SQSTM1: variants seen among roughly 807,000 people sequenced by gnomAD.
SQSTM1 encodes the protein sequestosome-1.
In SQSTM1, 36 loss-of-function variants were observed where a neutral mutation model predicts 45.1. The ratio of observed to expected loss-of-function variants is 0.80; its 90% CI spans 0.61 to 1.05. The LOEUF is 1.05. SQSTM1 is among the 50% of genes least tolerant of loss of function. The probability of loss-of-function intolerance (pLI) is 0.00; values close to 1 mark genes in which losing one functional copy is unlikely to be tolerated. For missense variants in SQSTM1, 617 were observed against 607.1 expected, an observed-to-expected ratio of 1.02 and a Z score of -0.17; for synonymous variants, 290 against 244.3, an observed-to-expected ratio of 1.19 and a Z score of -1.74.
chr5:179,829,194 G>C (rs1416678998), intron 5 of SQSTM1, among the ~76,000 whole-genome samples: 3 of 152,226 alleles, frequency 2.0e-5, no homozygotes, highest in Admixed American at 2.0e-4. Context: ...ACAGGCCAGG[G>C]TGAGGCACCA....
chr5:179,837,860 A>G lies in SQSTM1; in HGVS notation c.*1267A>G, dbSNP rs752475897. 1.2e-6 allele frequency: 2 copies of G among 1,606,918 alleles called. No individual in the cohort carries two copies. Among genetic ancestry groups the G allele is most frequent in the Admixed American group, 1.7e-5 (1 of 59,962 alleles). The stretch of plus-strand genomic sequence containing the variant: ...GAGGCAGGGGCTGCTGCCTTGTTTC[A>G]CCTTCCATGTCAGGCCAGCCTGTCC... On this transcript the variant is annotated 3_prime_UTR_variant, in exon 8 of 8. Transcript: ENST00000389805.
chr5:179,831,877 A>G (rs923414481), intron 5 of SQSTM1, among the ~76,000 whole-genome samples: 7 of 150,776 alleles, frequency 4.6e-5, no homozygotes, highest in East Asian at 2.0e-4. Flanking sequence ...TCCGCCTCCC[A>G]GGTTCAAGCG....
upstream of SQSTM1, among the ~76,000 whole-genome samples, chr5:179,818,631 C>CCCACTCTT (rs1325827758): frequency 6.6e-6 from 1 of 152,212 alleles, no homozygotes; most frequent in East Asian, 1.9e-4. Context: ...TCCTGCCCTC[C>CCCACTCTT]CCACTCTTCC....
chr5:179,837,072 G>A lies in SQSTM1; in HGVS notation c.*479G>A. Reference sequence around the variant, plus strand: ...GCCAGTGTTGTGGGCTTCCTGCTGGGACTGAGAAGGCTCACGAAGGGCATC... The same window carrying A: ...GCCAGTGTTGTGGGCTTCCTGCTGGAACTGAGAAGGCTCACGAAGGGCATC... On this transcript the variant is annotated 3_prime_UTR_variant, in exon 8 of 8. Transcript: ENST00000389805. 1.3e-6 allele frequency: 1 copy of A among 758,978 alleles called. No individual in the cohort carries two copies. Among genetic ancestry groups the A allele is most frequent in the Non-Finnish European group, 2.2e-6 (1 of 446,400 alleles). The allele number at this position is 758,978 out of a possible 1,614,324, so 47.0% of individuals were successfully genotyped here. A position where few individuals can be genotyped will look rare whatever the true frequency, so the allele number is the denominator to read the frequency against.
In SQSTM1 at chr5:179,836,800, C is replaced by T; in HGVS notation, c.*207C>T. ...GTGTGTGCTGATGTTTCCTGGGTGCCCTGGCTCCTTGCAGCAGGGCTGGGC... is the reference window on the plus strand; with the variant it reads ...GTGTGTGCTGATGTTTCCTGGGTGCTCTGGCTCCTTGCAGCAGGGCTGGGC... On this transcript the variant is annotated 3_prime_UTR_variant, in exon 8 of 8. Coordinates refer to ENST00000389805, the MANE Select transcript of SQSTM1 (RefSeq NM_003900.5). 1.3e-6 allele frequency: 1 copy of T among 791,556 alleles called. No individual in the cohort carries two copies. The highest frequency in any genetic ancestry group is 2.1e-6 in the Non-Finnish European group (1 of 481,716). The allele number at this position is 791,556 out of a possible 1,614,324, so 49.0% of individuals were successfully genotyped here.
chr5:179,820,573 A>T, upstream of SQSTM1: 1 of 213,010 alleles, frequency 4.7e-6, no homozygotes. Context: ...GGCCAGGCCC[A>T]AGCCTGGGAG....
intron 5 of SQSTM1, among the ~76,000 whole-genome samples, chr5:179,829,921 C>T (rs570213480): frequency 4.6e-5 from 7 of 152,292 alleles, no homozygotes; most frequent in Admixed American, 6.5e-5. Flanking sequence ...CATAGGGAGA[C>T]ACCATCCCCC....
At position 179,833,039 on chromosome 5, in the gene SQSTM1, A is replaced by G; in HGVS notation, c.762A>G (p.Glu254=). Residue 254 remains glutamate, a synonymous_variant, in exon 6 of 8, where the codon GAA becomes GAG. Coordinates refer to ENST00000389805, the MANE Select transcript of SQSTM1 (RefSeq NM_003900.5). ...VAAALSPLGI[E]VDIDVEHGGK... ...TTCCTCCTCCGCCTCTAGGCATTGAAGTTGATATCGATGTGGAGCACGGAG... is the reference window on the plus strand; with the variant it reads ...TTCCTCCTCCGCCTCTAGGCATTGAGGTTGATATCGATGTGGAGCACGGAG... 1 of 1,614,108 alleles carries G rather than the reference A, an allele frequency of 6.2e-7. No individual in the cohort carries two copies. The highest frequency in any genetic ancestry group is 1.3e-5 in the African/African-American group (1 of 75,016).
In SQSTM1 at chr5:179,833,183, C is replaced by T. The variant is rs11548642; in HGVS notation, c.906C>T (p.Gly302=). 2.9e-3 allele frequency: 4,709 copies of T among 1,613,650 alleles called. 107 individuals carry two copies. In the African/African-American group the frequency reaches 0.052, roughly 18 times the overall value. Reference sequence around the variant, plus strand: ...GCAAGCCGGGTGGGAATGTTGAGGGCGCCACGCAGTCTCTGGCGGAGCAGA... The same window carrying T: ...GCAAGCCGGGTGGGAATGTTGAGGGTGCCACGCAGTCTCTGGCGGAGCAGA... ...DPSKPGGNVE[G]ATQSLAEQMR... is the part of the protein sequence containing the mutation. The change falls in exon 6 of 8, where the codon GGC becomes GGT. Residue 302 remains glycine (G), a synonymous_variant. Transcript: ENST00000389805.
At chr5:179,832,815 G>C (rs779058975) in intron 5 of SQSTM1, among the ~76,000 whole-genome samples, 4 of 152,070 alleles carry the variant, frequency 2.6e-5, no homozygotes, top group Non-Finnish European at 5.9e-5. Context: ...GGTTTGTATC[G>C]TCTGGTCCCA....
intron 1 of SQSTM1, 43 bp downstream of exon 1, chr5:179,821,184 A>T: frequency 7.6e-7 from 1 of 1,317,820 alleles, no homozygotes; most frequent in Non-Finnish European, 9.7e-7. Context: ...CGCAGGCCGG[A>T]CACGGCCTCC....
rs886060504 is a variant in SQSTM1 at position 179,836,836 on chromosome 5, C to G, written c.*243C>G. 28 of 663,758 alleles carry G rather than the reference C, an allele frequency of 4.2e-5. No individual in the cohort carries two copies. The highest frequency in any genetic ancestry group is 7.1e-5 in the Non-Finnish European group (27 of 379,674). 41.1% of individuals were successfully genotyped at this position (663,758 alleles called of 1,614,324 possible). A position where few individuals can be genotyped will look rare whatever the true frequency, so the allele number is the denominator to read the frequency against. ...GCAGCAGGGCTGGGCCTGCGAGACC[C>G]AAGGCTCACTGCAGCGCGCTCCTGA... On this transcript the variant is annotated 3_prime_UTR_variant, in exon 8 of 8. Coordinates refer to ENST00000389805, the MANE Select transcript of SQSTM1 (RefSeq NM_003900.5).
At position 179,833,204 on chromosome 5, in the gene SQSTM1, G is replaced by A. The variant is rs766129922; in HGVS notation, c.927G>A (p.Glu309=). Residue 309 remains glutamate, a synonymous_variant, in exon 6 of 8, where the codon GAG becomes GAA. Coordinates refer to ENST00000389805, the MANE Select transcript of SQSTM1 (RefSeq NM_003900.5). ...NVEGATQSLA[E]QMRKIALESE... ...AGGGCGCCACGCAGTCTCTGGCGGA[G>A]CAGATGAGGAAGATCGCCTTGGAGT... 4 of 1,611,980 alleles carry A rather than the reference G, an allele frequency of 2.5e-6. No homozygotes were observed. In the Admixed American group the frequency reaches 6.7e-5, roughly 27 times the overall value.
intron 2 of SQSTM1, 60 bp from the exon 3 acceptor site, chr5:179,823,798 G>A (rs1227454293): frequency 1.0e-5 from 16 of 1,560,706 alleles, no homozygotes; most frequent in Middle Eastern, 2.3e-4. Flanking sequence ...CCACAGTGAC[G>A]ACAGAGGGGG....
chr5:179,823,883 C>T lies in SQSTM1; in HGVS notation c.327C>T (p.His109=), dbSNP rs2113487546. The T allele has an allele frequency of 6.2e-7, 1 of 1,612,870 alleles. No homozygotes were observed. Among genetic ancestry groups the T allele is most frequent in the Middle Eastern group, 1.7e-4 (1 of 5,956 alleles). The change falls in exon 3 of 8, where the codon CAC becomes CAT. Residue 109 remains histidine (H), a synonymous_variant. Transcript: ENST00000389805. ...IKEKKECRRD[H]RPPCAQEAPR... Reference sequence around the variant, plus strand: ...AGAAAAAAGAGTGCCGGCGGGACCACCGCCCACCGTGTGCTCAGGAGGCGC... The same window carrying T: ...AGAAAAAAGAGTGCCGGCGGGACCATCGCCCACCGTGTGCTCAGGAGGCGC...
chr5:179,824,475 T>TG (rs1367945409), intron 4 of SQSTM1, 152 bp downstream of exon 4: 1 of 1,182,534 alleles, frequency 8.5e-7, no homozygotes, highest in Non-Finnish European at 1.2e-6. Context: ...CCCTGCAAAG[T>TG]GGGGTGTATT....
At position 179,833,263 on chromosome 5, in the gene SQSTM1, C is replaced by T; in HGVS notation, c.969+17C>T. 6.4e-7 allele frequency: 1 copy of T among 1,558,434 alleles called. No individual in the cohort carries two copies. The highest frequency in any genetic ancestry group is 8.6e-7 in the Non-Finnish European group (1 of 1,156,554). ...CGCCCTGAGGCAAGCCTGTGCCCCTCCCGCCACCTGGGACCACGGCCAGCC... is the reference window on the plus strand; with the variant it reads ...CGCCCTGAGGCAAGCCTGTGCCCCTTCCGCCACCTGGGACCACGGCCAGCC... On this transcript the variant is annotated intron_variant, in intron 6 of 7. Transcript: ENST00000389805.
chr5:179,834,968 C>A (rs1758452972), intron 7 of SQSTM1, among the ~76,000 whole-genome samples: 1 of 152,134 alleles, frequency 6.6e-6, no homozygotes, highest in African/African-American at 2.4e-5. Context: ...CCTCACTTCC[C>A]AGTAGGGGCG....
chr5:179,809,737 G>A (rs1317966443), intron 1 of SQSTM1, among the ~76,000 whole-genome samples: 1 of 143,368 alleles, frequency 7.0e-6, no homozygotes, highest in African/African-American at 2.6e-5. Context: ...TCCGCTTCCC[G>A]GGTTCAAGCG....
Sources: allele counts gnomAD v4.1 joint callset (sites outside exome capture counted in the v4.1 genomes callset), GRCh38; gene constraint gnomAD v4.1.1; transcripts MANE v1.5; gene names NCBI Gene and HGNC (gene_info 2026-07-23, HGNC 2026-07-21).